The following PLXNC1 variants were observed in gnomAD, a reference collection of about 807,000 sequenced individuals.
PLXNC1 encodes the protein plexin-C1.
Under a neutral mutation model 178.2 loss-of-function variants are expected in PLXNC1, and 75 were observed. The ratio of observed to expected loss-of-function variants is 0.42; its 90% CI spans 0.35 to 0.51. The LOEUF (loss-of-function observed/expected upper bound fraction) is 0.51. Among genes scored for constraint, PLXNC1 ranks in the 20% least tolerant of loss-of-function variants. The pLI is 0.02. For missense variants in PLXNC1, 1,503 were observed against 1,984.4 expected (o/e 0.76, Z 4.61); for synonymous variants, 790 against 779.9 (o/e 1.01, Z -0.22).
In PLXNC1 at chr12:94,275,758, G is replaced by A. The variant is rs112714758; in HGVS notation, c.3598-3714G>A. Reference sequence around the variant, plus strand: ...TAGTCCCAGCTACTTGGGAGGCTGAGGCAGGAGAATGGCGTGAACCCGGGA... The same window carrying A: ...TAGTCCCAGCTACTTGGGAGGCTGAAGCAGGAGAATGGCGTGAACCCGGGA... On this transcript the variant is annotated intron_variant, in intron 21 of 30. Coordinates refer to ENST00000258526, the MANE Select transcript of PLXNC1 (RefSeq NM_005761.3). Among the ~76,000 whole-genome samples the A allele has an allele frequency of 6.7e-3, 847 of 125,718 alleles. 124 individuals are homozygous for A. Among genetic ancestry groups the A allele is most frequent in the Non-Finnish European group, 0.011 (655 of 60,220 alleles). The allele number at this position is 125,718 out of a possible 152,430, so 82.5% of individuals were successfully genotyped here.
intron 4 of PLXNC1, chr12:94,186,895 CT>C (rs1237969585): frequency 1.2e-5 from 2 of 169,806 alleles, no homozygotes; most frequent in Non-Finnish European, 2.6e-5. Context: ...CCGCAGAAGC[CT>C]CGTTATTGAT....
intron 5 of PLXNC1, among the ~76,000 whole-genome samples, chr12:94,217,475 C>T (rs1963677510): frequency 6.6e-6 from 1 of 152,212 alleles, no homozygotes; most frequent in Non-Finnish European, 1.5e-5. Flanking sequence ...CTCTGAGCTC[C>T]AGGCCCATAC....
At chr12:94,236,532 C>T (rs953523930) in intron 9 of PLXNC1, among the ~76,000 whole-genome samples, 1 of 152,196 alleles carries the variant, frequency 6.6e-6, no homozygotes, top group African/African-American at 2.4e-5. Flanking sequence ...ACTCGGTCCT[C>T]CAAGTGGATG....
Position 94,226,706 on chromosome 12 carries a change from A to G in PLXNC1, c.1892A>G (p.Gln631Arg), listed in dbSNP as rs1433599069. The G allele has an allele frequency of 1.2e-6, 2 of 1,602,746 alleles. No homozygotes were observed. The highest frequency in any genetic ancestry group is 1.3e-5 in the African/African-American group (1 of 74,638). Residue 631 changes from glutamine to arginine, a missense_variant and splice_region_variant, in exon 8 of 31, where the codon CAG (glutamine) becomes CGG (arginine). Gln to Arg is a conservative substitution (Grantham distance 43). Transcript: ENST00000258526. ...ACDPSDYERN[Q>R]EQCPVAVEKT... ...GACCCTTCTGATTATGAGAGAAACCAGGTAAAGTGACATTTTTGGTATTGT... is the reference window on the plus strand; with the variant it reads ...GACCCTTCTGATTATGAGAGAAACCGGGTAAAGTGACATTTTTGGTATTGT...
intron 9 of PLXNC1, among the ~76,000 whole-genome samples, chr12:94,229,419 T>C (rs1964030709): frequency 6.6e-6 from 1 of 152,232 alleles, no homozygotes; most frequent in Admixed American, 6.5e-5. Flanking sequence ...GAAGTCCAGT[T>C]CATTTATTTT....
intron 23 of PLXNC1, among the ~76,000 whole-genome samples, chr12:94,293,895 C>T (rs1967625722): frequency 6.6e-6 from 1 of 152,092 alleles, no homozygotes; most frequent in Admixed American, 6.6e-5. Flanking sequence ...GCTGGGATCG[C>T]AGGAGTGAGG....
Position 94,156,921 on chromosome 12 carries a change from C to T in PLXNC1, c.1062+6888C>T, listed in dbSNP as rs1029430367. ...GTAAAGATGAGGTCTTGCTATGTTG[C>T]CCATGCTGGTCTCAATCTCCTGAGC... is the stretch of plus-strand genomic sequence containing the variant. On this transcript the variant is annotated intron_variant, in intron 1 of 30. Transcript: ENST00000258526. 3.3e-5 allele frequency among the ~76,000 whole-genome samples: 5 copies of T among 152,052 alleles called. No homozygotes were observed. In the South Asian group the frequency reaches 1.0e-3, roughly 32 times the overall value.
intron 1 of PLXNC1, among the ~76,000 whole-genome samples, chr12:94,163,655 T>C (rs1248291468): frequency 6.6e-6 from 1 of 152,114 alleles, no homozygotes; most frequent in East Asian, 1.9e-4. Flanking sequence ...CTTCACCACC[T>C]TGCATGCTTC....
chr12:94,185,506 C>T (rs1303495026), intron 3 of PLXNC1, among the ~76,000 whole-genome samples: 1 of 152,242 alleles, frequency 6.6e-6, no homozygotes, highest in Non-Finnish European at 1.5e-5. Flanking sequence ...CACCGCCCTA[C>T]TTGCAGGCTC....
rs920556328 is a variant in PLXNC1 at position 94,307,205 on chromosome 12, T to C, written c.*1920T>C. On this transcript the variant is annotated 3_prime_UTR_variant, in exon 31 of 31. Transcript: ENST00000258526. ...TCCAGGGACTGTGCTGTTGGGAACT[T>C]TGGGCAAGTCACTTACCTCTTTGTG... 1.3e-5 allele frequency: 2 copies of C among 152,196 alleles called. No individual in the cohort carries two copies. The highest frequency in any genetic ancestry group is 1.3e-4 in the Admixed American group (2 of 15,260). The allele number at this position is 152,196 out of a possible 1,614,324, so 9.4% of individuals were successfully genotyped here.
chr12:94,238,252 C>T (rs2136048316), intron 10 of PLXNC1, among the ~76,000 whole-genome samples: 1 of 152,156 alleles, frequency 6.6e-6, no homozygotes, highest in East Asian at 1.9e-4. Flanking sequence ...TTTATGTGGA[C>T]ATTTTATTCT....
intron 24 of PLXNC1, 106 bp downstream of exon 24, chr12:94,294,646 C>A (rs1967725277): frequency 8.4e-6 from 5 of 593,670 alleles, no homozygotes; most frequent in Non-Finnish European, 1.3e-5. Context: ...TGAGTTGTTG[C>A]TATGTAATTC....
At chr12:94,177,195 ATATACG>A (rs1565794407) in intron 2 of PLXNC1, among the ~76,000 whole-genome samples, 125 of 46,676 alleles carry the variant, frequency 2.7e-3, no homozygotes, top group African/African-American at 0.017. Context: ...ATGTATATAT[ATATACG>A]TATATATATA....
chr12:94,174,852 G>C (rs1036466180), intron 2 of PLXNC1, among the ~76,000 whole-genome samples: 2 of 152,204 alleles, frequency 1.3e-5, no homozygotes, highest in African/African-American at 4.8e-5. Flanking sequence ...CCTGCTTCAA[G>C]TTCTCCCCAC....
intron 9 of PLXNC1, among the ~76,000 whole-genome samples, chr12:94,234,632 T>C (rs1964193045): frequency 6.6e-6 from 1 of 152,222 alleles, no homozygotes; most frequent in South Asian, 2.1e-4. Context: ...GTCAACGGTA[T>C]TTTGATTTGA....
chr12:94,288,629 T>G (rs1966943296), intron 23 of PLXNC1, among the ~76,000 whole-genome samples: 1 of 152,212 alleles, frequency 6.6e-6, no homozygotes, highest in Non-Finnish European at 1.5e-5. Flanking sequence ...GACGGCCCCT[T>G]CCAATGCACT....
intron 1 of PLXNC1, among the ~76,000 whole-genome samples, chr12:94,167,182 A>G (rs1961647427): frequency 6.6e-6 from 1 of 152,172 alleles, no homozygotes; most frequent in Non-Finnish European, 1.5e-5. Context: ...TCTTGGATCC[A>G]GTCTTTTGCA....
At chr12:94,277,644 C>T (rs117833598) in intron 21 of PLXNC1, 4 of 311,966 alleles carry the variant, frequency 1.3e-5, no homozygotes, top group South Asian at 2.7e-5. Flanking sequence ...CCACTGGGTT[C>T]ATTGCTGGCA....
At chr12:94,177,209 ATATG>A (rs1962119035) in intron 2 of PLXNC1, among the ~76,000 whole-genome samples, 1 of 53,054 alleles carries the variant, frequency 1.9e-5, no homozygotes, top group South Asian at 5.6e-4. Flanking sequence ...ACGTATATAT[ATATG>A]TGTGTGTATA....
Sources: gnomAD v4.1 joint callset for allele counts (sites outside exome capture counted in the v4.1 genomes callset) on GRCh38, gnomAD v4.1.1 for gene constraint, MANE v1.5 for transcripts, NCBI Gene and HGNC (gene_info 2026-07-23, HGNC 2026-07-21) for gene names.